The following MAP3K5 variants were observed in gnomAD, a reference collection of about 807,000 sequenced individuals.
MAP3K5 encodes the protein mitogen-activated protein kinase kinase kinase 5.
In MAP3K5, 56 loss-of-function variants were observed where a neutral mutation model predicts 158.7. The observed-to-expected ratio is 0.35, with a 90% confidence interval of 0.28 to 0.44. MAP3K5 has a LOEUF of 0.44. Among genes scored for constraint, MAP3K5 ranks in the 20% least tolerant of loss-of-function variants. The pLI, the probability that MAP3K5 is intolerant of heterozygous loss-of-function variation, is 1.00. For missense variants in MAP3K5, 1,294 were observed against 1,674.8 expected, an observed-to-expected ratio of 0.77 and a Z score of 3.97; for synonymous variants, 579 against 601.7, an observed-to-expected ratio of 0.96 and a Z score of 0.55.
chr6:136,750,298 G>A (rs573834008), intron 1 of MAP3K5, among the ~76,000 whole-genome samples: 1 of 152,250 alleles, frequency 6.6e-6, no homozygotes, highest in East Asian at 1.9e-4. Flanking sequence ...GGCTGGTCTC[G>A]AACTCCTGGC....
At chr6:136,684,679 C>T (rs1241122611) in intron 7 of MAP3K5, among the ~76,000 whole-genome samples, 1 of 152,158 alleles carries the variant, frequency 6.6e-6, no homozygotes, top group Non-Finnish European at 1.5e-5. Context: ...CTCACCCTCT[C>T]TGCTGTCATC....
chr6:136,557,909 C>T (rs1249620264), intron 29 of MAP3K5, 91 bp from the exon 30 acceptor site: 1 of 850,378 alleles, frequency 1.2e-6, no homozygotes, highest in Non-Finnish European at 2.0e-6. Flanking sequence ...CTTTCATCTG[C>T]TCTGGTCAGA....
At chr6:136,732,297 C>A (rs1277168302) in intron 1 of MAP3K5, among the ~76,000 whole-genome samples, 1 of 152,040 alleles carries the variant, frequency 6.6e-6, no homozygotes, top group Admixed American at 6.6e-5. Context: ...CAGTGGCGGG[C>A]GCTTGTAGTC....
At chr6:136,757,962 T>C (rs1027708047) in intron 1 of MAP3K5, among the ~76,000 whole-genome samples, 14 of 152,172 alleles carry the variant, frequency 9.2e-5, no homozygotes, top group Admixed American at 1.3e-4. Context: ...AATAAAACCA[T>C]TTAAAGTGGC....
chr6:136,657,153 C>T (rs994824893), intron 9 of MAP3K5, among the ~76,000 whole-genome samples: 1 of 152,138 alleles, frequency 6.6e-6, no homozygotes, highest in African/African-American at 2.4e-5. Flanking sequence ...ATAGACACTT[C>T]ATAAGAGATC....
At chr6:136,631,070 G>C (rs1246168812) in intron 14 of MAP3K5, among the ~76,000 whole-genome samples, 1 of 152,222 alleles carries the variant, frequency 6.6e-6, no homozygotes, top group African/African-American at 2.4e-5. Context: ...CTGCACTCCA[G>C]CCTGGGGGAC....
intron 3 of MAP3K5, among the ~76,000 whole-genome samples, chr6:136,699,466 G>C (rs1008015784): frequency 3.3e-5 from 5 of 152,124 alleles, no homozygotes; most frequent in African/African-American, 1.2e-4. Flanking sequence ...CCCATCTCTT[G>C]CTCTTGGGAG....
chr6:136,562,767 C>A, intron 26 of MAP3K5, 152 bp from the exon 27 acceptor site: 1 of 458,306 alleles, frequency 2.2e-6, no homozygotes, highest in Non-Finnish European at 3.8e-6. Flanking sequence ...AACTCTTGGA[C>A]TCAAGCGATC....
chr6:136,676,778 T>TTTTTC (rs1250740251), intron 7 of MAP3K5, among the ~76,000 whole-genome samples: 1 of 149,958 alleles, frequency 6.7e-6, no homozygotes, highest in Non-Finnish European at 1.5e-5. Flanking sequence ...ATTTTGTTAA[T>TTTTTC]TTTTCTTTTC....
Position 136,595,450 on chromosome 6 carries a change from T to TG in MAP3K5, c.2879-2837_2879-2836insC, listed in dbSNP as rs1562532323. 2.0e-5 allele frequency among the ~76,000 whole-genome samples: 3 copies of TG among 152,160 alleles called. No homozygotes were observed. The East Asian group carries it at 5.8e-4, about 29-fold the overall frequency. ...GAACCTGATTCTAGATTGAGTCCCCTTCTCTATTAGGCACATGCATTCATT... is the reference window on the plus strand; with the variant it reads ...GAACCTGATTCTAGATTGAGTCCCCTGTCTCTATTAGGCACATGCATTCATT... On this transcript the variant is annotated intron_variant, in intron 21 of 29. Transcript: ENST00000359015.
At chr6:136,567,040 C>G (rs1323432330) in intron 26 of MAP3K5, among the ~76,000 whole-genome samples, 2 of 152,188 alleles carry the variant, frequency 1.3e-5, no homozygotes, top group African/African-American at 4.8e-5. Flanking sequence ...CCAACAACAT[C>G]TGCAAAGAAC....
At chr6:136,642,609 G>C in intron 11 of MAP3K5, 40 bp from the exon 12 acceptor site, 1 of 1,314,544 alleles carries the variant, frequency 7.6e-7, no homozygotes, top group South Asian at 1.2e-5. Context: ...TCATCCAAAT[G>C]GAAAATAACA....
At chr6:136,681,752 T>C (rs1779945088) in intron 7 of MAP3K5, among the ~76,000 whole-genome samples, 1 of 152,050 alleles carries the variant, frequency 6.6e-6, no homozygotes, top group African/African-American at 2.4e-5. Context: ...CCGTCTCTAC[T>C]AAAAATACAA....
At chr6:136,781,007 T>C (rs2115038551) in intron 1 of MAP3K5, among the ~76,000 whole-genome samples, 1 of 152,300 alleles carries the variant, frequency 6.6e-6, no homozygotes, top group Non-Finnish European at 1.5e-5. Context: ...AAGAGGCATA[T>C]TATAGGCAAT....
At chr6:136,763,586 C>T (rs1037461155) in intron 1 of MAP3K5, among the ~76,000 whole-genome samples, 1 of 152,120 alleles carries the variant, frequency 6.6e-6, no homozygotes, top group African/African-American at 2.4e-5. Context: ...ATTCAGGTAC[C>T]TTCTATTTTG....
intron 1 of MAP3K5, among the ~76,000 whole-genome samples, chr6:136,754,903 G>C (rs150138003): frequency 6.6e-6 from 1 of 152,078 alleles, no homozygotes; most frequent in Non-Finnish European, 1.5e-5. Flanking sequence ...AGATGTTGGG[G>C]AAACCATTAT....
Position 136,648,748 on chromosome 6 carries a change from G to C in MAP3K5, c.1788+2236C>G, listed in dbSNP as rs563143256. On this transcript the variant is annotated intron_variant, in intron 11 of 29. Coordinates refer to ENST00000359015, the MANE Select transcript of MAP3K5 (RefSeq NM_005923.4). The stretch of plus-strand genomic sequence containing the variant: ...GTGATTTCTTGCCACTCTGGTAGAG[G>C]TCACAGGGCCTGGCCATGATTGACA... Among the ~76,000 whole-genome samples, 17 of 152,270 alleles carry C rather than the reference G, an allele frequency of 1.1e-4. No homozygotes were observed. In the East Asian group the frequency reaches 1.4e-3, roughly 12 times the overall value.
chr6:136,680,980 A>G (rs1336234617), intron 7 of MAP3K5, among the ~76,000 whole-genome samples: 5 of 152,168 alleles, frequency 3.3e-5, no homozygotes, highest in Non-Finnish European at 5.9e-5. Context: ...AAATATGGGG[A>G]AAATCTAAAT....
chr6:136,632,605 C>G (rs1463357350), intron 14 of MAP3K5, among the ~76,000 whole-genome samples: 4 of 152,052 alleles, frequency 2.6e-5, no homozygotes, highest in Non-Finnish European at 4.4e-5. Context: ...ATAACAGAGA[C>G]AAAGCATGAG....
Sources: gnomAD v4.1 joint callset for allele counts (sites outside exome capture counted in the v4.1 genomes callset) on GRCh38, gnomAD v4.1.1 for gene constraint, MANE v1.5 for transcripts, NCBI Gene and HGNC (gene_info 2026-07-23, HGNC 2026-07-21) for gene names.